The following LAD1 variants were observed in gnomAD, a reference collection of about 807,000 sequenced individuals.
LAD1 encodes ladinin 1, also known as ladinin-1.
Under a neutral mutation model 54.2 loss-of-function variants are expected in LAD1, and 53 were observed. That is an observed-to-expected ratio of 0.98 (90% CI 0.78 to 1.23). The LOEUF is 1.23. Ranked by LOEUF, LAD1 falls within the 50% of genes most tolerant of loss-of-function variation. The pLI, the probability that LAD1 is intolerant of heterozygous loss-of-function variation, is 0.00. For synonymous variants in LAD1, 231 were observed against 257.7 expected, an observed-to-expected ratio of 0.90 and a Z score of 0.99; for missense variants, 637 against 653.3, an observed-to-expected ratio of 0.98 and a Z score of 0.27.
chr1:201,396,860 T>C (rs771467770), intron 1 of LAD1, among the ~76,000 whole-genome samples: 5 of 152,050 alleles, frequency 3.3e-5, no homozygotes, highest in South Asian at 2.1e-4. Context: ...AGGGCAGCGA[T>C]TGGAAGTAGG....
intron 2 of LAD1, among the ~76,000 whole-genome samples, chr1:201,387,739 G>C (rs757105259): frequency 2.0e-5 from 3 of 152,202 alleles, no homozygotes; most frequent in Non-Finnish European, 4.4e-5. Flanking sequence ...GGCTGGGGGA[G>C]GGGAGGACAG....
At chr1:201,385,660 C>T (rs751123230) in intron 4 of LAD1, 41 bp downstream of exon 4, 4 of 1,420,380 alleles carry the variant, frequency 2.8e-6, no homozygotes, top group African/African-American at 1.4e-5. Context: ...CCTCCACTTG[C>T]CCTCCAGTGG....
intron 4 of LAD1, among the ~76,000 whole-genome samples, 191 bp from the exon 5 acceptor site, chr1:201,385,026 G>A (rs927642755): frequency 7.2e-5 from 11 of 152,232 alleles, no homozygotes; most frequent in African/African-American, 2.7e-4. Flanking sequence ...GTATCTGGAA[G>A]ACACAGGTTC....
intron 1 of LAD1, among the ~76,000 whole-genome samples, chr1:201,390,236 T>C (rs1441735853): frequency 1.3e-5 from 2 of 151,832 alleles, no homozygotes; most frequent in Admixed American, 6.5e-5. Flanking sequence ...ACTTTTTTAA[T>C]GTGACTACTC....
chr1:201,397,719 A>G (rs926360878), intron 1 of LAD1, among the ~76,000 whole-genome samples: 1 of 152,062 alleles, frequency 6.6e-6, no homozygotes. Context: ...ATGCAGACTG[A>G]CAAACTCAAG....
chr1:201,383,676 C>T lies in LAD1; in HGVS notation c.1176-287G>A, dbSNP rs993816618. 34 of 448,358 alleles carry T rather than the reference C, an allele frequency of 7.6e-5. 1 individual carries two copies. Among genetic ancestry groups the T allele is most frequent in the African/African-American group, 1.8e-4 (9 of 50,118 alleles). The allele number at this position is 448,358 out of a possible 1,614,324, so 27.8% of individuals were successfully genotyped here. A position where few individuals can be genotyped will look rare whatever the true frequency, so the allele number is the denominator to read the frequency against. ...CCTCCCAAAGCAGGTCCTTCCTTTC[C>T]GTCTTCCCCATCACAGCAATCGCCA... On this transcript the variant is annotated intron_variant, in intron 5 of 9. Transcript: ENST00000391967.
chr1:201,398,794 A>C (rs978270177), intron 1 of LAD1, among the ~76,000 whole-genome samples: 2 of 152,116 alleles, frequency 1.3e-5, no homozygotes, highest in Non-Finnish European at 2.9e-5. Flanking sequence ...GCTTCCCTCC[A>C]GTCCTCTTCA....
chr1:201,389,379 G>A, intron 1 of LAD1, 76 bp from the exon 2 acceptor site: 3 of 1,531,924 alleles, frequency 2.0e-6, no homozygotes, highest in South Asian at 1.2e-5. Flanking sequence ...TCTAGGGCTG[G>A]GAGAAGAGAC....
chr1:201,388,124 G>A (rs1054645804), intron 2 of LAD1, among the ~76,000 whole-genome samples: 2 of 152,152 alleles, frequency 1.3e-5, no homozygotes, highest in African/African-American at 2.4e-5. Flanking sequence ...CCGGTGCAGC[G>A]GCTCACACCT....
chr1:201,382,219 C>T (rs751078400), intron 9 of LAD1, 33 bp downstream of exon 9: 23 of 1,582,364 alleles, frequency 1.5e-5, no homozygotes, highest in South Asian at 4.4e-5. Context: ...CGTGGCCCTC[C>T]GCCGTAGGGC....
intron 1 of LAD1, among the ~76,000 whole-genome samples, chr1:201,392,298 G>A (rs920300812): frequency 6.6e-6 from 1 of 152,244 alleles, no homozygotes; most frequent in Non-Finnish European, 1.5e-5. Context: ...GATTCCAGGG[G>A]CTGGGAACAG....
At chr1:201,391,738 T>C (rs1662199354) in intron 1 of LAD1, among the ~76,000 whole-genome samples, 1 of 151,710 alleles carries the variant, frequency 6.6e-6, no homozygotes, top group Non-Finnish European at 1.5e-5. Context: ...TTCGATGGGG[T>C]GGGGCTGGCA....
intron 1 of LAD1, among the ~76,000 whole-genome samples, chr1:201,392,528 G>A (rs920230339): frequency 1.3e-5 from 2 of 152,206 alleles, no homozygotes; most frequent in Admixed American, 6.5e-5. Flanking sequence ...AGCCAGATCC[G>A]TCAGCCAGTG....
chr1:201,385,761 G>A lies in LAD1; in HGVS notation c.1071C>T (p.Pro357=). 11 of 1,614,190 alleles carry A rather than the reference G, an allele frequency of 6.8e-6. No individual in the cohort carries two copies. Among genetic ancestry groups the A allele is most frequent in the Non-Finnish European group, 9.3e-6 (11 of 1,180,016 alleles). ...SKEEEADMSS[P]TQRTYSSSLK... is the part of the protein sequence containing the mutation. ...GGGAGCTGCTGTAGGTTCGCTGTGTGGGTGAGGACATATCTGCCTCTTCCT... is the reference window on the plus strand; with the variant it reads ...GGGAGCTGCTGTAGGTTCGCTGTGTAGGTGAGGACATATCTGCCTCTTCCT... Residue 357 remains proline (P), a synonymous_variant, in exon 4 of 10, where the codon CCC becomes CCT. Coordinates refer to ENST00000391967, the MANE Select transcript of LAD1 (RefSeq NM_005558.4).
At chr1:201,382,005 G>A (rs1165368264) in intron 9 of LAD1, 112 bp from the exon 10 acceptor site, 10 of 1,173,268 alleles carry the variant, frequency 8.5e-6, no homozygotes, top group Non-Finnish European at 1.1e-5. Flanking sequence ...CCCACAAGGA[G>A]TCAGAGCCCT....
Position 201,385,817 on chromosome 1 carries a change from A to G in LAD1, c.1027-12T>C, listed in dbSNP as rs755506832. ...CTGGGGATTTTCACCTGGATGGAGCAGGGGGAGTGTCACATAAGAGGTCTA... is the reference window on the plus strand; with the variant it reads ...CTGGGGATTTTCACCTGGATGGAGCGGGGGGAGTGTCACATAAGAGGTCTA... On this transcript the variant is annotated splice_polypyrimidine_tract_variant and intron_variant, in intron 3 of 9. Transcript: ENST00000391967. The G allele has an allele frequency of 6.3e-7, 1 of 1,598,620 alleles. No individual in the cohort carries two copies. Among genetic ancestry groups the G allele is most frequent in the Non-Finnish European group, 8.6e-7 (1 of 1,166,012 alleles).
At chr1:201,396,468 T>C (rs1159131897) in intron 1 of LAD1, among the ~76,000 whole-genome samples, 2 of 152,202 alleles carry the variant, frequency 1.3e-5, no homozygotes, top group African/African-American at 4.8e-5. Flanking sequence ...CAGCAACTGA[T>C]GGCAGGGATT....
At chr1:201,390,567 A>C (rs1364110725) in intron 1 of LAD1, among the ~76,000 whole-genome samples, 1 of 152,124 alleles carries the variant, frequency 6.6e-6, no homozygotes, top group Non-Finnish European at 1.5e-5. Flanking sequence ...TGTAGTTCAA[A>C]TCATACGTCT....
chr1:201,393,292 G>C (rs1662228774), intron 1 of LAD1, among the ~76,000 whole-genome samples: 1 of 152,114 alleles, frequency 6.6e-6, no homozygotes, highest in Admixed American at 6.6e-5. Context: ...TGCTGCGAGG[G>C]GAATGAGACC....
Sources: gnomAD v4.1 joint callset for allele counts (sites outside exome capture counted in the v4.1 genomes callset) on GRCh38, gnomAD v4.1.1 for gene constraint, MANE v1.5 for transcripts, NCBI Gene and HGNC (gene_info 2026-07-23, HGNC 2026-07-21) for gene names.